Variants in ZNF43 observed in about 807,000 individuals in gnomAD.
The protein encoded by ZNF43 is zinc finger protein 39-like 1 (KOX 27).
ZNF43 carries 44 observed loss-of-function variants against 68.4 expected under a neutral mutation model. The observed-to-expected ratio is 0.64, with a 90% CI of 0.51 to 0.83. The LOEUF is 0.83. ZNF43 is among the 40% of genes least tolerant of loss of function. The pLI is 0.00. For synonymous variants in ZNF43, 308 were observed against 307.8 expected (o/e 1.00, Z -0.01); for missense variants, 896 against 933.2 (o/e 0.96, Z 0.52).
chr19:21,844,347 CAAAAAAAAAAAAAA>C (rs57500822), intron 1 of ZNF43, among the ~76,000 whole-genome samples: 6 of 43,140 alleles, frequency 1.4e-4, no homozygotes, highest in East Asian at 8.6e-4. Flanking sequence ...GACTCTGTCT[CAAAAAAAAAAAAAA>C]AAAAAAAAAA....
upstream of ZNF43, chr19:21,838,932 C>T (rs989998314): frequency 2.0e-5 from 3 of 152,102 alleles, no homozygotes; most frequent in Admixed American, 2.0e-4. Flanking sequence ...AGAAATTTGT[C>T]GTAATCTTCT....
intron 1 of ZNF43, among the ~76,000 whole-genome samples, chr19:21,834,529 C>T (rs939331459): frequency 5.3e-5 from 8 of 151,852 alleles, no homozygotes; most frequent in Non-Finnish European, 7.4e-5. Flanking sequence ...GAGGCCAAGG[C>T]GGGTGGATCA....
intron 3 of ZNF43, among the ~76,000 whole-genome samples, chr19:21,813,040 C>T (rs1185733758): frequency 6.6e-6 from 1 of 151,638 alleles, no homozygotes; most frequent in Non-Finnish European, 1.5e-5. Context: ...GTCATAAGTT[C>T]GAGACCAGCC....
chr19:21,822,128 T>C (rs2145240942), intron 1 of ZNF43, among the ~76,000 whole-genome samples: 1 of 86,692 alleles, frequency 1.2e-5, no homozygotes, highest in East Asian at 3.0e-4. Flanking sequence ...AAGAATGAAC[T>C]GCTCCACGGA....
In ZNF43 at chr19:21,805,728, A is replaced by C. The variant is rs1414444706; in HGVS notation, c.*1879T>G. On this transcript the variant is annotated 3_prime_UTR_variant, in exon 4 of 4. Coordinates refer to ENST00000354959, the MANE Select transcript of ZNF43 (RefSeq NM_003423.4). ...AAATTAAGAACAGTAAGTTTAAATA[A>C]GACAAAAAAGAATATTTAACCTATA... The C allele has an allele frequency of 6.6e-6, 1 of 152,196 alleles. No homozygotes were observed. Among genetic ancestry groups the C allele is most frequent in the Non-Finnish European group, 1.5e-5 (1 of 68,008 alleles). The allele number at this position is 152,196 out of a possible 1,614,324, so 9.4% of individuals were successfully genotyped here. A position where few individuals can be genotyped will look rare whatever the true frequency, so the allele number is the denominator to read the frequency against.
chr19:21,811,546 AC>A (rs2037272486), intron 3 of ZNF43, among the ~76,000 whole-genome samples: 2 of 150,904 alleles, frequency 1.3e-5, no homozygotes, highest in Admixed American at 6.6e-5. Context: ...AAAAAAAAAA[AC>A]AAAAAAAAAA....
At position 21,828,090 on chromosome 19, in the gene ZNF43, A is replaced by G. The variant is rs56138237; in HGVS notation, c.3+7946T>C. 8.1e-3 allele frequency among the ~76,000 whole-genome samples: 1,234 copies of G among 152,348 alleles called. 8 individuals carry two copies. The highest frequency in any genetic ancestry group is 0.011 in the South Asian group (54 of 4,830). On this transcript the variant is annotated intron_variant, in intron 1 of 3. Coordinates refer to ENST00000354959, the MANE Select transcript of ZNF43 (RefSeq NM_003423.4). ...TTCCCTGTAATTATCCATATTGGAT[A>G]AATTAATAAGCATGTCAGACTAATA...
intron 1 of ZNF43, among the ~76,000 whole-genome samples, chr19:21,824,199 G>C (rs1568366622): frequency 6.6e-6 from 1 of 152,012 alleles, no homozygotes; most frequent in Non-Finnish European, 1.5e-5. Context: ...AAAGAAAATA[G>C]AACTGCCCTG....
chr19:21,816,716 G>A (rs886407890), intron 3 of ZNF43, among the ~76,000 whole-genome samples: 1 of 152,046 alleles, frequency 6.6e-6, no homozygotes, highest in Non-Finnish European at 1.5e-5. Flanking sequence ...AACCCACACA[G>A]TTACCTGGGG....
intron 1 of ZNF43, among the ~76,000 whole-genome samples, chr19:21,851,684 T>C (rs1240173816): frequency 1.3e-5 from 2 of 152,168 alleles, no homozygotes; most frequent in African/African-American, 2.4e-5. Flanking sequence ...TCGGGGCTGC[T>C]GGTGCAGAGC....
intron 1 of ZNF43, among the ~76,000 whole-genome samples, chr19:21,821,354 T>C (rs1436894966): frequency 1.3e-5 from 2 of 152,048 alleles, no homozygotes; most frequent in Non-Finnish European, 2.9e-5. Context: ...TTTCACCGTG[T>C]TACCGCGCCT....
intron 3 of ZNF43, among the ~76,000 whole-genome samples, chr19:21,815,895 C>A (rs2037503881): frequency 6.6e-6 from 1 of 151,706 alleles, no homozygotes. Flanking sequence ...CCCATCTCTA[C>A]TTAAAATACA....
intron 1 of ZNF43, among the ~76,000 whole-genome samples, chr19:21,828,151 A>C (rs907044907): frequency 1.3e-5 from 2 of 152,234 alleles, no homozygotes; most frequent in Non-Finnish European, 2.9e-5. Context: ...TTTTCTTTGG[A>C]TATTAGATAT....
chr19:21,821,929 T>A (rs900020109), intron 1 of ZNF43, among the ~76,000 whole-genome samples: 1 of 145,460 alleles, frequency 6.9e-6, no homozygotes, highest in African/African-American at 2.5e-5. Flanking sequence ...AAGCCATTTT[T>A]TTCTCTGTCT....
intron 1 of ZNF43, chr19:21,843,069 A>G (rs1482255462): frequency 6.6e-6 from 1 of 152,276 alleles, no homozygotes; most frequent in Non-Finnish European, 1.5e-5. Flanking sequence ...GGAGATTCAT[A>G]TCATCTGGGT....
intron 3 of ZNF43, chr19:21,811,872 A>C (rs1184918626): frequency 2.6e-6 from 1 of 380,168 alleles, no homozygotes; most frequent in Non-Finnish European, 4.7e-6. Context: ...CACATAGAAA[A>C]AAGGAACTAA....
chr19:21,835,542 T>G (rs948024974), intron 1 of ZNF43, among the ~76,000 whole-genome samples: 1 of 151,614 alleles, frequency 6.6e-6, no homozygotes, highest in East Asian at 2.0e-4. Flanking sequence ...ATTTTTAGTA[T>G]AGACGGGGTT....
At chr19:21,837,698 CCT>C (rs1379246221), upstream of ZNF43, among the ~76,000 whole-genome samples, 9 of 151,926 alleles carry the variant, frequency 5.9e-5, 1 homozygote, top group African/African-American at 1.7e-4. Context: ...AGGGTTTCAC[CCT>C]GTTAGCCAGG....
intron 2 of ZNF43, 60 bp from the exon 3 acceptor site, chr19:21,818,046 G>GGTTAA: frequency 4.1e-6 from 6 of 1,476,450 alleles, no homozygotes; most frequent in Non-Finnish European, 5.6e-6. Flanking sequence ...TATTAACCTA[G>GGTTAA]TAATGTGTCC....
Sources: gnomAD v4.1 joint callset for allele counts (sites outside exome capture counted in the v4.1 genomes callset) on GRCh38, gnomAD v4.1.1 for gene constraint, MANE v1.5 for transcripts, NCBI Gene and HGNC (gene_info 2026-07-23, HGNC 2026-07-21) for gene names.